FOXK2: variants seen among roughly 807,000 people sequenced by gnomAD.
The protein encoded by FOXK2 is forkhead box K2.
FOXK2 carries 24 observed loss-of-function variants against 53.3 expected under a neutral mutation model. The observed-to-expected ratio is 0.45, with a 90% CI of 0.33 to 0.63. The LOEUF (loss-of-function observed/expected upper bound fraction) is 0.63, where lower values mean the gene tolerates loss of function less well. Ranked by LOEUF, FOXK2 falls within the 30% of genes least tolerant of loss-of-function variation. The pLI is 0.03. For missense variants in FOXK2, 952 were observed against 910.5 expected (o/e 1.05, Z -0.59); for synonymous variants, 505 against 407.1 (o/e 1.24, Z -2.89).
intron 1 of FOXK2, among the ~76,000 whole-genome samples, chr17:82,557,810 G>A (rs2044747919): frequency 6.6e-6 from 1 of 152,130 alleles, no homozygotes; most frequent in South Asian, 2.1e-4. Context: ...ACCATCCTGG[G>A]TAAGTTTTTA....
chr17:82,559,573 G>A (rs1598211498), intron 1 of FOXK2: 1 of 436,990 alleles, frequency 2.3e-6, no homozygotes. Context: ...ATGGGTGGGA[G>A]TCTAGGGTGG....
intron 1 of FOXK2, among the ~76,000 whole-genome samples, chr17:82,523,084 C>T (rs754357802): frequency 2.0e-5 from 3 of 152,212 alleles, no homozygotes; most frequent in Non-Finnish European, 2.9e-5. Flanking sequence ...TGAGCCACCA[C>T]GCCTGGCCGA....
rs2045232060 is a variant in FOXK2, at chr17:82,589,500, A to T, written c.1786+2228A>T. On this transcript the variant is annotated intron_variant, in intron 8 of 8. Transcript: ENST00000335255. ...ACCAAAAATTAAAATGTTACTGAAG[A>T]TGCCTTTCTTAGTGTATTTAGCTTT... is the stretch of plus-strand genomic sequence containing the variant. Among the ~76,000 whole-genome samples, 4 of 152,366 alleles carry T rather than the reference A, an allele frequency of 2.6e-5. No homozygotes were observed. The East Asian group carries it at 5.8e-4, about 22-fold the overall frequency.
intron 1 of FOXK2, chr17:82,559,544 G>T (rs78610922): frequency 0.037 from 16,951 of 454,392 alleles, 365 homozygotes; most frequent in Non-Finnish European, 0.043. Context: ...CATTAGCAGT[G>T]AGGAGGACTC....
chr17:82,522,696 C>A lies in FOXK2; in HGVS notation c.419+2389C>A, dbSNP rs1180815994. ...CGATTTTGAGTTTTTAAAGAAAATT[C>A]TCCTCACCATTCAGCCAGAACGATT... On this transcript the variant is annotated intron_variant, in intron 1 of 8. Transcript: ENST00000335255. Among the ~76,000 whole-genome samples the A allele has an allele frequency of 5.9e-5, 9 of 151,814 alleles. No homozygotes were observed. In the South Asian group the frequency reaches 1.5e-3, roughly 25 times the overall value.
chr17:82,568,208 G>A lies in FOXK2; in HGVS notation c.762+7G>A, dbSNP rs764584686. 1 of 1,611,080 alleles carries A rather than the reference G, an allele frequency of 6.2e-7. No homozygotes were observed. The highest frequency in any genetic ancestry group is 8.5e-7 in the Non-Finnish European group (1 of 1,179,782). On this transcript the variant is annotated splice_region_variant and intron_variant, in intron 3 of 8. Transcript: ENST00000335255. Reference sequence around the variant, plus strand: ...AGGTGGAGACAGCCCGAAGGTAAAGGCTTTGTAGCCTTGAAGCAGCCCCTG... The same window carrying A: ...AGGTGGAGACAGCCCGAAGGTAAAGACTTTGTAGCCTTGAAGCAGCCCCTG...
intron 4 of FOXK2, chr17:82,576,575 T>C: frequency 2.5e-6 from 2 of 808,494 alleles, no homozygotes; most frequent in Non-Finnish European, 4.2e-6. Flanking sequence ...GCTGGTGACA[T>C]CCAGAATGTT....
intron 3 of FOXK2, among the ~76,000 whole-genome samples, chr17:82,569,727 C>T (rs532925311): frequency 2.0e-5 from 3 of 152,252 alleles, no homozygotes; most frequent in African/African-American, 4.8e-5. Flanking sequence ...AGAGACGTAG[C>T]GGGCAGTGTG....
At chr17:82,555,708 C>T (rs1408928190) in intron 1 of FOXK2, among the ~76,000 whole-genome samples, 2 of 147,894 alleles carry the variant, frequency 1.4e-5, no homozygotes, top group Non-Finnish European at 3.0e-5. Context: ...CATGGTGAAA[C>T]CCCGTCTCTA....
Position 82,587,281 on chromosome 17 carries a change from T to C in FOXK2, c.1786+9T>C, listed in dbSNP as rs772658693. 2 of 1,607,688 alleles carry C rather than the reference T, an allele frequency of 1.2e-6. No homozygotes were observed. Among genetic ancestry groups the C allele is most frequent in the Non-Finnish European group, 1.7e-6 (2 of 1,175,866 alleles). On this transcript the variant is annotated intron_variant, in intron 8 of 8. Coordinates refer to ENST00000335255, the MANE Select transcript of FOXK2 (RefSeq NM_004514.4). ...CGGCCAGGTGAACAATGGTAAGACA[T>C]GCTGGTCGGTGGCTCCCCGTGGCTG...
Position 82,520,095 on chromosome 17 carries a change from G to C in FOXK2, c.207G>C (p.Met69Ile). ...CGCAGGGCTCGGTGGACGTGAGCAT[G>C]GGCCACTCGAGCTTCATCTCCCGGC... Reference protein sequence around the residue: ...NSSQGSVDVSMGHSSFISRRH... With the variant: ...NSSQGSVDVSIGHSSFISRRH... Residue 69 changes from methionine to isoleucine, a missense_variant, in exon 1 of 9, where the codon ATG (methionine) becomes ATC (isoleucine). Around this residue, in one of 5 missense-constraint regions of FOXK2, gnomAD observed 163 missense variants for 165.5 expected, o/e 0.98. Transcript: ENST00000335255. 6.5e-7 allele frequency: 1 copy of C among 1,544,794 alleles called. No individual in the cohort carries two copies. The highest frequency in any genetic ancestry group is 8.7e-7 in the Non-Finnish European group (1 of 1,148,130).
intron 4 of FOXK2, among the ~76,000 whole-genome samples, chr17:82,582,148 A>G (rs1339727401): frequency 6.6e-6 from 1 of 152,206 alleles, no homozygotes; most frequent in Non-Finnish European, 1.5e-5. Flanking sequence ...AATGGCTCAC[A>G]TCAGCTCTGT....
At chr17:82,593,372 G>GGAGGGAAA (rs1442905303) in intron 8 of FOXK2, 1 of 149,174 alleles carries the variant, frequency 6.7e-6, no homozygotes, top group East Asian at 2.0e-4. Flanking sequence ...AGGGAGGGAG[G>GGAGGGAAA]GAGGGAAAGA....
chr17:82,601,195 T>A (rs995734643), intron 8 of FOXK2, 108 bp from the exon 9 acceptor site: 3 of 1,195,636 alleles, frequency 2.5e-6, no homozygotes, highest in Non-Finnish European at 3.5e-6. Flanking sequence ...AGAGTTCACA[T>A]GAGAGCGTGG....
chr17:82,576,266 C>T (rs1301917325), intron 4 of FOXK2, among the ~76,000 whole-genome samples: 1 of 145,498 alleles, frequency 6.9e-6, no homozygotes, highest in Admixed American at 6.9e-5. Flanking sequence ...GCTCGGGTGG[C>T]GGCGGCGGGT....
At chr17:82,540,964 T>C (rs2044569120) in intron 1 of FOXK2, among the ~76,000 whole-genome samples, 1 of 151,900 alleles carries the variant, frequency 6.6e-6, no homozygotes, top group African/African-American at 2.4e-5. Context: ...TAGCTTGGAG[T>C]GTGATCTTTC....
intron 5 of FOXK2, among the ~76,000 whole-genome samples, 177 bp from the exon 6 acceptor site, chr17:82,583,836 C>A (rs894751359): frequency 6.6e-6 from 1 of 152,226 alleles, no homozygotes; most frequent in Non-Finnish European, 1.5e-5. Flanking sequence ...GTCTGTCTAC[C>A]CGAGTGTCCC....
At chr17:82,522,875 A>G (rs2044378407) in intron 1 of FOXK2, among the ~76,000 whole-genome samples, 2 of 151,334 alleles carry the variant, frequency 1.3e-5, no homozygotes, top group African/African-American at 4.9e-5. Context: ...GCTTGCTGCA[A>G]CCTCCGCCTC....
At chr17:82,599,060 T>C (rs1298928669) in intron 8 of FOXK2, 4 of 151,964 alleles carry the variant, frequency 2.6e-5, no homozygotes, top group Non-Finnish European at 5.9e-5. Flanking sequence ...AGCTTCCTGC[T>C]TTGTGGCAGC....
Sources: allele counts gnomAD v4.1 joint callset (sites outside exome capture counted in the v4.1 genomes callset), GRCh38; gene constraint gnomAD v4.1.1; regional missense constraint gnomAD v4.1.1; transcripts MANE v1.5; gene names NCBI Gene and HGNC (gene_info 2026-07-23, HGNC 2026-07-21).